EFHD1: variants seen among roughly 807,000 people sequenced by gnomAD.
EFHD1 encodes the protein EF-hand domain-containing protein D1.
In EFHD1, 10 loss-of-function variants were observed where a neutral mutation model predicts 17.2. The observed-to-expected ratio is 0.58, with a 90% CI of 0.36 to 0.99. The LOEUF is 0.99. EFHD1 is among the 50% of genes least tolerant of loss of function. The pLI, the probability that EFHD1 is intolerant of heterozygous loss-of-function variation, is 0.01. For synonymous variants in EFHD1, 153 were observed against 142.0 expected (o/e 1.08, Z -0.55); for missense variants, 310 against 327.5 (o/e 0.95, Z 0.41).
rs573974875 is a variant in EFHD1, at chr2:232,639,282, C to A, written c.302+5276C>A. On this transcript the variant is annotated intron_variant, in intron 1 of 3. Coordinates refer to ENST00000264059, the MANE Select transcript of EFHD1 (RefSeq NM_025202.4). Reference sequence around the variant, plus strand: ...TTACATTATACAGAAAGAGAAAGGTCCTTTCCCCCTTCTCCCTTGCAGGAT... The same window carrying A: ...TTACATTATACAGAAAGAGAAAGGTACTTTCCCCCTTCTCCCTTGCAGGAT... 3.9e-5 allele frequency among the ~76,000 whole-genome samples: 6 copies of A among 152,212 alleles called. No individual in the cohort carries two copies. The East Asian group carries it at 1.2e-3, about 29-fold the overall frequency.
intron 1 of EFHD1, among the ~76,000 whole-genome samples, chr2:232,608,904 T>G (rs1019151326): frequency 6.6e-6 from 1 of 151,758 alleles, no homozygotes; most frequent in Non-Finnish European, 1.5e-5. Flanking sequence ...CACTCCAGCC[T>G]GGCAACAGAG....
At chr2:232,613,837 CAT>C (rs200326935) in intron 1 of EFHD1, among the ~76,000 whole-genome samples, 10,416 of 151,104 alleles carry the variant, frequency 0.069, 375 homozygotes, top group South Asian at 0.1. Flanking sequence ...AATATACACA[CAT>C]ACACACACAA....
chr2:232,635,759 C>T (rs1694308306), intron 1 of EFHD1, among the ~76,000 whole-genome samples: 1 of 151,802 alleles, frequency 6.6e-6, no homozygotes, highest in Admixed American at 6.6e-5. Flanking sequence ...GCAAAGGTTG[C>T]AGTGAGCAGA....
At chr2:232,675,542 TG>T (rs1695156760) in intron 3 of EFHD1, among the ~76,000 whole-genome samples, 1 of 152,104 alleles carries the variant, frequency 6.6e-6, no homozygotes, top group Non-Finnish European at 1.5e-5. Flanking sequence ...TTCTCCAAGG[TG>T]GGTTTCAGGA....
At position 232,641,516 on chromosome 2, in the gene EFHD1, A is replaced by G. The variant is rs564898977; in HGVS notation, c.302+7510A>G. Reference sequence around the variant, plus strand: ...TGACTTCCAAGATTCTTTCTAGGCCATGGGTGGGCAAAGTTGTTCTGTTAA... The same window carrying G: ...TGACTTCCAAGATTCTTTCTAGGCCGTGGGTGGGCAAAGTTGTTCTGTTAA... On this transcript the variant is annotated intron_variant, in intron 1 of 3. Coordinates refer to ENST00000264059, the MANE Select transcript of EFHD1 (RefSeq NM_025202.4). Among the ~76,000 whole-genome samples, 13 of 152,308 alleles carry G rather than the reference A, an allele frequency of 8.5e-5. No homozygotes were observed. In the South Asian group the frequency reaches 2.3e-3, roughly 27 times the overall value.
intron 1 of EFHD1, among the ~76,000 whole-genome samples, chr2:232,652,064 A>G (rs1159192412): frequency 6.6e-6 from 1 of 152,130 alleles, no homozygotes; most frequent in African/African-American, 2.4e-5. Context: ...CCATCAGCCA[A>G]ACAGCACCAC....
chr2:232,640,917 G>C (rs1264974101), intron 1 of EFHD1, among the ~76,000 whole-genome samples: 1 of 152,202 alleles, frequency 6.6e-6, no homozygotes, highest in East Asian at 1.9e-4. Context: ...CAGAGAATGG[G>C]GGCTGAGAAC....
At position 232,627,014 on chromosome 2, in the gene EFHD1, GTC is replaced by G. The variant is rs34012045; in HGVS notation, c.14+20863_14+20864del. Among the ~76,000 whole-genome samples the G allele has an allele frequency of 7.4e-3, 519 of 69,734 alleles. 5 individuals are homozygous for G. The highest frequency in any genetic ancestry group is 0.022 in the East Asian group (60 of 2,742). 45.7% of individuals were successfully genotyped at this position (69,734 alleles called of 152,430 possible). A position where few individuals can be genotyped will look rare whatever the true frequency, so the allele number is the denominator to read the frequency against. On this transcript the variant is annotated intron_variant, in intron 1 of 3. Coordinates refer to the EFHD1 transcript ENST00000409613. The stretch of plus-strand genomic sequence containing the variant: ...AGCCTGGGCAACATAGTGAGATCCT[GTC>G]TCTCTCTCTCTCTCTCTCTCTATAT...
intron 1 of EFHD1, among the ~76,000 whole-genome samples, chr2:232,642,956 C>A (rs1322276116): frequency 3.9e-5 from 6 of 152,312 alleles, no homozygotes; most frequent in Admixed American, 1.3e-4. Context: ...AGAAATGGAT[C>A]ATCTCATGGA....
chr2:232,632,956 C>T (rs1694230254), upstream of EFHD1, among the ~76,000 whole-genome samples: 1 of 152,262 alleles, frequency 6.6e-6, no homozygotes, highest in Non-Finnish European at 1.5e-5. Flanking sequence ...CGCAAAAAAA[C>T]CCGAGTCCCT....
chr2:232,633,016 T>A (rs1694231410), upstream of EFHD1, among the ~76,000 whole-genome samples: 1 of 152,272 alleles, frequency 6.6e-6, no homozygotes, highest in African/African-American at 2.4e-5. Flanking sequence ...TTTTTTCTGC[T>A]CGTTTGCTCT....
chr2:232,660,025 C>T (rs1024619801), intron 1 of EFHD1, among the ~76,000 whole-genome samples: 2 of 152,120 alleles, frequency 1.3e-5, no homozygotes, highest in African/African-American at 4.8e-5. Flanking sequence ...AGAAATCCAC[C>T]CCCATGATCC....
intron 2 of EFHD1, among the ~76,000 whole-genome samples, chr2:232,665,040 T>A (rs2106212889): frequency 6.6e-6 from 1 of 152,224 alleles, no homozygotes; most frequent in African/African-American, 2.4e-5. Flanking sequence ...GCCTCCTGAG[T>A]AGCTGGACCA....
At chr2:232,632,808 T>G (rs1694227088), upstream of EFHD1, among the ~76,000 whole-genome samples, 1 of 152,182 alleles carries the variant, frequency 6.6e-6, no homozygotes, top group African/African-American at 2.4e-5. Context: ...TAAAAGTTTT[T>G]GTAGAGACAG....
At chr2:232,659,424 C>T (rs1384319196) in intron 1 of EFHD1, among the ~76,000 whole-genome samples, 4 of 152,096 alleles carry the variant, frequency 2.6e-5, no homozygotes, top group African/African-American at 7.2e-5. Context: ...TCCCTGAGCT[C>T]CTGGGCACAG....
At chr2:232,646,808 C>T (rs923196415) in intron 1 of EFHD1, among the ~76,000 whole-genome samples, 3 of 152,218 alleles carry the variant, frequency 2.0e-5, no homozygotes, top group Admixed American at 6.5e-5. Context: ...AAAGCAGAGA[C>T]AGAATGTTCA....
At chr2:232,625,603 T>C (rs950124006) in intron 1 of EFHD1, among the ~76,000 whole-genome samples, 26 of 152,142 alleles carry the variant, frequency 1.7e-4, no homozygotes, top group Non-Finnish European at 3.7e-4. Context: ...GACAGGTTAG[T>C]TAACGGATGC....
intron 3 of EFHD1, 112 bp downstream of exon 3, chr2:232,672,555 G>A: frequency 1.4e-6 from 2 of 1,455,302 alleles, no homozygotes; most frequent in East Asian, 4.6e-5. Flanking sequence ...AAACAGACCA[G>A]GAGGGTCCTC....
chr2:232,662,832 C>T lies in EFHD1; in HGVS notation c.333C>T (p.Asp111=), dbSNP rs1694899311. Residue 111 remains aspartate, a synonymous_variant, in exon 2 of 4, where the codon GAC becomes GAT. Coordinates refer to ENST00000264059, the MANE Select transcript of EFHD1 (RefSeq NM_025202.4). The part of the protein sequence containing the change: ...LYDAGRDGFI[D]LMELKLMMEK... ...ACGCTGGGCGGGATGGCTTCATCGA[C>T]CTGATGGAGCTGAAGCTGATGATGG... is the stretch of plus-strand genomic sequence containing the variant. 2 of 1,584,970 alleles carry T rather than the reference C, an allele frequency of 1.3e-6. No homozygotes were observed. The highest frequency in any genetic ancestry group is 1.7e-6 in the Non-Finnish European group (2 of 1,167,726).
Sources: gnomAD v4.1 joint callset for allele counts (sites outside exome capture counted in the v4.1 genomes callset) on GRCh38, gnomAD v4.1.1 for gene constraint, MANE v1.5 for transcripts, NCBI Gene and HGNC (gene_info 2026-07-23, HGNC 2026-07-21) for gene names.